The following BMP1 variants were observed in gnomAD, a reference collection of about 807,000 sequenced individuals.
The protein encoded by BMP1 is mammalian tolloid protein.
Under a neutral mutation model 116.8 loss-of-function variants are expected in BMP1, and 63 were observed. That is an observed-to-expected ratio of 0.54 (90% confidence interval 0.44 to 0.67). The LOEUF is 0.67. BMP1 is among the 30% of genes least tolerant of loss of function. The probability of loss-of-function intolerance (pLI) is 0.00; values close to 1 mark genes in which losing one functional copy is unlikely to be tolerated. For synonymous variants in BMP1, 536 were observed against 533.4 expected (o/e 1.00, Z -0.07); for missense variants, 1,183 against 1,358.9 (o/e 0.87, Z 2.04).
Position 22,176,539 on chromosome 8 carries a change from A to AT in BMP1, c.440_441insT (p.Gln147HisfsTer25), listed in dbSNP as rs1828440540. On this transcript the variant is annotated frameshift_variant, in exon 4 of 20. Coordinates refer to ENST00000306385, the MANE Select transcript of BMP1 (RefSeq NM_006129.5). LOFTEE classifies it high-confidence loss of function. ...GCTTCCTTCCTCCTGGCAGGTAGCC[A>AT]GAGGGCAGTCTTCCGGCAGGCCATG... is the stretch of plus-strand genomic sequence containing the variant. The AT allele has an allele frequency of 6.2e-7, 1 of 1,614,040 alleles. No homozygotes were observed. The highest frequency in any genetic ancestry group is 8.5e-7 in the Non-Finnish European group (1 of 1,179,988).
chr8:22,196,208 C>T (rs372689309), intron 13 of BMP1: 1 of 524,048 alleles, frequency 1.9e-6, no homozygotes, highest in Non-Finnish European at 3.8e-6. Flanking sequence ...GTTGGGAAAC[C>T]CCTGTTGTGG....
Position 22,211,937 on chromosome 8 carries a change from C to T in BMP1, c.*209C>T. 1.4e-6 allele frequency: 1 copy of T among 693,096 alleles called. No homozygotes were observed. The highest frequency in any genetic ancestry group is 2.4e-6 in the Non-Finnish European group (1 of 424,816). The allele number at this position is 693,096 out of a possible 1,614,324, so 42.9% of individuals were successfully genotyped here. A position where few individuals can be genotyped will look rare whatever the true frequency, so the allele number is the denominator to read the frequency against. On this transcript the variant is annotated 3_prime_UTR_variant, in exon 20 of 20. Coordinates refer to ENST00000306385, the MANE Select transcript of BMP1 (RefSeq NM_006129.5). ...CCCACAAACCCCCACCAGCAAGGGG[C>T]TGGGGCCAGGGAGCAGAGCTTCCAC...
intron 18 of BMP1, among the ~76,000 whole-genome samples, chr8:22,208,163 C>T (rs1390242544): frequency 6.6e-6 from 1 of 152,328 alleles, no homozygotes; most frequent in East Asian, 1.9e-4. Context: ...AGATTACAGG[C>T]GTGAGCCACC....
At chr8:22,180,937 C>T (rs1311230562) in intron 8 of BMP1, among the ~76,000 whole-genome samples, 5 of 152,266 alleles carry the variant, frequency 3.3e-5, no homozygotes, top group Non-Finnish European at 5.9e-5. Context: ...CTCAGCCTGA[C>T]GCTCAGCTCT....
chr8:22,207,550 C>T (rs1366984571), intron 18 of BMP1, 34 bp downstream of exon 18: 2 of 1,604,574 alleles, frequency 1.2e-6, no homozygotes, highest in African/African-American at 1.3e-5. Context: ...GTTCACTGAG[C>T]CTGGTCTCCA....
intron 8 of BMP1, among the ~76,000 whole-genome samples, chr8:22,184,463 A>C (rs1379571322): frequency 6.6e-6 from 1 of 152,218 alleles, no homozygotes; most frequent in Non-Finnish European, 1.5e-5. Flanking sequence ...TAAAAATTCC[A>C]GATTAATCAA....
Position 22,212,042 on chromosome 8 carries a change from C to G in BMP1, c.*314C>G. ...GGGAATGTCAGCAGGACCCCATCGC[C>G]ATCCCTGTGTCTCTACACGCTGTAT... On this transcript the variant is annotated 3_prime_UTR_variant, in exon 20 of 20. Transcript: ENST00000306385. 4 of 416,508 alleles carry G rather than the reference C, an allele frequency of 9.6e-6. No homozygotes were observed. The highest frequency in any genetic ancestry group is 3.5e-5 in the Admixed American group (1 of 28,746). 25.8% of individuals were successfully genotyped at this position (416,508 alleles called of 1,614,324 possible). A position where few individuals can be genotyped will look rare whatever the true frequency, so the allele number is the denominator to read the frequency against.
intron 4 of BMP1, 44 bp from the exon 5 acceptor site, chr8:22,176,916 TC>T: frequency 7.9e-7 from 1 of 1,261,030 alleles, no homozygotes; most frequent in Non-Finnish European, 1.1e-6. Context: ...GTGGATGCAC[TC>T]CCCCAGCTCG....
Position 22,209,715 on chromosome 8 carries a change from C to T in BMP1, c.2826+20C>T, listed in dbSNP as rs1179561717. 6.2e-7 allele frequency: 1 copy of T among 1,608,558 alleles called. No homozygotes were observed. Among genetic ancestry groups the T allele is most frequent in the East Asian group, 2.2e-5 (1 of 44,846 alleles). On this transcript the variant is annotated intron_variant, in intron 19 of 19. Transcript: ENST00000306385. The stretch of plus-strand genomic sequence containing the variant: ...TCAGGGGTGAGGCCCCCACCCCTCG[C>T]CCTCCTGGCCCCATGCCCCACGCCC...
In BMP1 at chr8:22,201,399, C is replaced by T. The variant is rs751123617; in HGVS notation, c.2108-404C>T. On this transcript the variant is annotated intron_variant, in intron 15 of 19. Transcript: ENST00000306385. ...ACCGGGGACCCTTCCCCGTGCCCTA[C>T]CCCCTCCCATTTTGATGGTGTCTGT... 1.1e-4 allele frequency: 163 copies of T among 1,446,690 alleles called. 1 individual carries two copies. Among genetic ancestry groups the T allele is most frequent in the Middle Eastern group, 2.6e-4 (1 of 3,872 alleles). 89.6% of individuals were successfully genotyped at this position (1,446,690 alleles called of 1,614,324 possible).
intron 8 of BMP1, among the ~76,000 whole-genome samples, chr8:22,181,449 G>A (rs970031794): frequency 4.6e-5 from 7 of 152,128 alleles, no homozygotes; most frequent in African/African-American, 1.2e-4. Flanking sequence ...GAGCCTGTCC[G>A]GTCAGGTTTC....
rs2131844680 is a variant in BMP1, at chr8:22,173,677, G to C, written c.224G>C (p.Arg75Thr). 6.2e-7 allele frequency: 1 copy of C among 1,613,780 alleles called. No homozygotes were observed. The highest frequency in any genetic ancestry group is 1.1e-5 in the South Asian group (1 of 91,052). The change falls in exon 2 of 20, where the codon AGA becomes ACA. Residue 75 changes from arginine (R) to threonine (T), a missense_variant. Arg to Thr is a moderately conservative substitution (Grantham distance 71, BLOSUM62 -1). Coordinates refer to ENST00000306385, the MANE Select transcript of BMP1 (RefSeq NM_006129.5). ...CAGGTACAGCAGGCTGTGGATCTCA[G>C]ACGGCACACAGCTCGTAAGTCCTCC... ...AFQVQQAVDLRRHTARKSSIK... is the reference protein window; with the variant it reads ...AFQVQQAVDLTRHTARKSSIK...
intron 15 of BMP1, chr8:22,201,356 C>T (rs1384623545): frequency 2.0e-6 from 3 of 1,485,576 alleles, no homozygotes; most frequent in Non-Finnish European, 2.7e-6. Context: ...CTCTTCTCCC[C>T]ACTGTGCCCG....
At position 22,176,190 on chromosome 8, in the gene BMP1, C is replaced by T. The variant is rs147403315; in HGVS notation, c.310C>T (p.Pro104Ser). 71 of 1,614,136 alleles carry T rather than the reference C, an allele frequency of 4.4e-5. No homozygotes were observed. In the African/African-American group the frequency reaches 6.7e-4, roughly 15 times the overall value. ...TPSCQSTNGQPQRGACGRWRG... is the reference protein window; with the variant it reads ...TPSCQSTNGQSQRGACGRWRG... ...CAGCTGCCAGAGCACCAACGGGCAG[C>T]CTCAGAGGGGAGCCTGTGGGAGATG... Residue 104 changes from proline (P) to serine (S), a missense_variant, in exon 3 of 20, where the codon CCT becomes TCT. By Grantham distance (74) the Pro-to-Ser change is moderately conservative. This residue lies in a region of BMP1 where 185 missense variants were observed against 158.9 expected (regional missense o/e 1.16). Transcript: ENST00000306385.
chr8:22,180,821 A>C lies in BMP1; in HGVS notation c.1077+338A>C, dbSNP rs1289731381. Among the ~76,000 whole-genome samples, 2 of 152,216 alleles carry C rather than the reference A, an allele frequency of 1.3e-5. 1 individual carries two copies. Among genetic ancestry groups the C allele is most frequent in the Admixed American group, 1.3e-4 (2 of 15,274 alleles). On this transcript the variant is annotated intron_variant, in intron 8 of 19. Coordinates refer to ENST00000306385, the MANE Select transcript of BMP1 (RefSeq NM_006129.5). ...TCCACCTTTATTTTACAGATGAGGA[A>C]ACTGAGGCACAGGGTGGTTAAGTAA...
chr8:22,174,781 C>G (rs902692348), intron 2 of BMP1, among the ~76,000 whole-genome samples: 7 of 152,172 alleles, frequency 4.6e-5, no homozygotes, highest in Admixed American at 4.6e-4. Flanking sequence ...CACAGGCATG[C>G]AACACCACGC....
intron 1 of BMP1, among the ~76,000 whole-genome samples, chr8:22,172,772 A>G (rs1369640543): frequency 6.6e-6 from 1 of 151,330 alleles, no homozygotes; most frequent in African/African-American, 2.4e-5. Flanking sequence ...ATGCATCACC[A>G]TGTCTGGCTA....
At position 22,194,341 on chromosome 8, in the gene BMP1, C is replaced by G; in HGVS notation, c.1298-104C>G. On this transcript the variant is annotated intron_variant, in intron 10 of 19. Transcript: ENST00000306385. The surrounding 1 kb of genome is among the most constrained non-coding windows in gnomAD (Gnocchi z 4.5). Reference sequence around the variant, plus strand: ...GGGGGTTTGGTGGGGAACTGAAAAGCTGGGGGACATGGGAGGGACTGGAGG... The same window carrying G: ...GGGGGTTTGGTGGGGAACTGAAAAGGTGGGGGACATGGGAGGGACTGGAGG... The G allele has an allele frequency of 6.6e-7, 1 of 1,513,252 alleles. No individual in the cohort carries two copies. The highest frequency in any genetic ancestry group is 9.0e-7 in the Non-Finnish European group (1 of 1,108,300). 93.7% of individuals were successfully genotyped at this position (1,513,252 alleles called of 1,614,324 possible).
Position 22,212,065 on chromosome 8 carries a change from T to C in BMP1, c.*337T>C. 1 of 329,494 alleles carries C rather than the reference T, an allele frequency of 3.0e-6. No homozygotes were observed. The highest frequency in any genetic ancestry group is 5.8e-6 in the Non-Finnish European group (1 of 173,460). 20.4% of individuals were successfully genotyped at this position (329,494 alleles called of 1,614,324 possible). ...GCCATCCCTGTGTCTCTACACGCTG[T>C]ATTGTGTATCACCGGGGGCATTATT... On this transcript the variant is annotated 3_prime_UTR_variant, in exon 20 of 20. Transcript: ENST00000306385.
Sources: allele counts gnomAD v4.1 joint callset (sites outside exome capture counted in the v4.1 genomes callset), GRCh38; gene constraint gnomAD v4.1.1; regional missense constraint gnomAD v4.1.1; non-coding constraint Gnocchi (gnomAD v3.1); transcripts MANE v1.5; gene names NCBI Gene and HGNC (gene_info 2026-07-23, HGNC 2026-07-21).